The following WWC1 variants were observed in gnomAD, a reference collection of about 807,000 sequenced individuals.
The protein encoded by WWC1 is WW and C2 domain containing 1.
In WWC1, 55 loss-of-function variants were observed where a neutral mutation model predicts 138.4. The observed-to-expected ratio is 0.40, with a 90% confidence interval of 0.32 to 0.50. The LOEUF is 0.50. Ranked by LOEUF, WWC1 falls within the 20% of genes least tolerant of loss-of-function variation. The probability of loss-of-function intolerance (pLI) is 0.72; values close to 1 mark genes in which losing one functional copy is unlikely to be tolerated. For missense variants in WWC1, 1,226 were observed against 1,420.4 expected (o/e 0.86, Z 2.20); for synonymous variants, 524 against 564.9 (o/e 0.93, Z 1.03).
chr5:168,354,971 G>T lies in WWC1; in HGVS notation c.120-16453G>T, dbSNP rs530847565. Reference sequence around the variant, plus strand: ...CCCCCAAAGTTTTCCTCTTAGAGAGGAGGAGATGGCCACAAGCCTTCTGCT... The same window carrying T: ...CCCCCAAAGTTTTCCTCTTAGAGAGTAGGAGATGGCCACAAGCCTTCTGCT... On this transcript the variant is annotated intron_variant, in intron 1 of 22. Transcript: ENST00000265293. Among the ~76,000 whole-genome samples the T allele has an allele frequency of 1.2e-4, 18 of 152,306 alleles. No individual in the cohort carries two copies. The East Asian group carries it at 3.5e-3, about 29-fold the overall frequency.
chr5:168,306,813 T>A (rs974007831), intron 1 of WWC1, among the ~76,000 whole-genome samples: 8 of 152,184 alleles, frequency 5.3e-5, no homozygotes, highest in Non-Finnish European at 1.2e-4. Context: ...GCCAGGCTGG[T>A]CTGGAACTCC....
At chr5:168,444,974 G>A (rs1323801015) in intron 17 of WWC1, among the ~76,000 whole-genome samples, 2 of 152,060 alleles carry the variant, frequency 1.3e-5, no homozygotes, top group Non-Finnish European at 2.9e-5. Flanking sequence ...GGAATGGAGA[G>A]CAGAAATATT....
chr5:168,393,888 T>C (rs1778691633), intron 3 of WWC1, among the ~76,000 whole-genome samples: 1 of 152,170 alleles, frequency 6.6e-6, no homozygotes, highest in African/African-American at 2.4e-5. Context: ...TAGTGGTAAG[T>C]TTGTAGAAAC....
chr5:168,328,325 C>G (rs1445345125), intron 1 of WWC1, among the ~76,000 whole-genome samples: 1 of 152,174 alleles, frequency 6.6e-6, no homozygotes, highest in Non-Finnish European at 1.5e-5. Context: ...TCCTGGTGCA[C>G]CCTTTCTTCA....
At chr5:168,365,704 G>C (rs550061183) in intron 1 of WWC1, among the ~76,000 whole-genome samples, 72 of 152,316 alleles carry the variant, frequency 4.7e-4, no homozygotes, top group Middle Eastern at 6.8e-3. Flanking sequence ...GCTGTTTGTA[G>C]GGTGCTCCTG....
At chr5:168,363,637 T>G (rs756966414) in intron 1 of WWC1, among the ~76,000 whole-genome samples, 17 of 152,074 alleles carry the variant, frequency 1.1e-4, no homozygotes, top group Non-Finnish European at 2.1e-4. Flanking sequence ...GACAATTATT[T>G]TGCTTCAGTT....
intron 1 of WWC1, among the ~76,000 whole-genome samples, chr5:168,363,947 G>A (rs953994937): frequency 3.9e-5 from 6 of 152,128 alleles, no homozygotes; most frequent in African/African-American, 1.4e-4. Context: ...GGTGATGGTG[G>A]TGATGATAGC....
intron 1 of WWC1, among the ~76,000 whole-genome samples, chr5:168,319,035 C>T (rs1053121529): frequency 2.0e-5 from 3 of 152,210 alleles, no homozygotes; most frequent in Non-Finnish European, 2.9e-5. Flanking sequence ...ATATACACGA[C>T]GTCTTGTTAA....
intron 1 of WWC1, among the ~76,000 whole-genome samples, chr5:168,298,554 A>G (rs1301506638): frequency 6.6e-6 from 1 of 152,318 alleles, no homozygotes; most frequent in South Asian, 2.1e-4. Context: ...GCCTGGGAAC[A>G]TCCTATGTCA....
intron 1 of WWC1, among the ~76,000 whole-genome samples, chr5:168,304,801 T>A (rs1055766547): frequency 1.3e-5 from 2 of 152,048 alleles, no homozygotes; most frequent in Admixed American, 1.3e-4. Context: ...ACACAGCCAG[T>A]TGAAATGGTC....
At chr5:168,434,525 G>T (rs768055462) in intron 15 of WWC1, among the ~76,000 whole-genome samples, 1 of 152,128 alleles carries the variant, frequency 6.6e-6, no homozygotes, top group African/African-American at 2.4e-5. Context: ...TTTAATCTTC[G>T]TGATGGCCCC....
At chr5:168,449,073 T>C (rs946130299) in intron 17 of WWC1, among the ~76,000 whole-genome samples, 12 of 152,214 alleles carry the variant, frequency 7.9e-5, no homozygotes, top group Non-Finnish European at 1.5e-4. Flanking sequence ...GCCTTCAGAA[T>C]GTAAATTGGC....
chr5:168,301,362 G>C (rs1386495615), intron 1 of WWC1, among the ~76,000 whole-genome samples: 1 of 152,212 alleles, frequency 6.6e-6, no homozygotes, highest in East Asian at 1.9e-4. Flanking sequence ...GGGACTGGGT[G>C]CAGTGGCTGA....
chr5:168,392,626 A>T (rs1349011585), intron 3 of WWC1, among the ~76,000 whole-genome samples: 1 of 152,148 alleles, frequency 6.6e-6, no homozygotes, highest in Non-Finnish European at 1.5e-5. Context: ...CCAGGAGTTC[A>T]AGGTTACAGT....
chr5:168,329,408 A>T (rs1331219825), intron 1 of WWC1, among the ~76,000 whole-genome samples: 1 of 152,204 alleles, frequency 6.6e-6, no homozygotes, highest in Non-Finnish European at 1.5e-5. Flanking sequence ...CGTGAGGCAG[A>T]ACTTCAAAGG....
At chr5:168,367,393 G>A (rs1034158775) in intron 1 of WWC1, among the ~76,000 whole-genome samples, 4 of 151,828 alleles carry the variant, frequency 2.6e-5, no homozygotes, top group Non-Finnish European at 5.9e-5. Flanking sequence ...GTGCAGTGGC[G>A]GGATCTCGGC....
chr5:168,461,433 G>A (rs74954658), intron 20 of WWC1, among the ~76,000 whole-genome samples: 1,961 of 152,310 alleles, frequency 0.013, 45 homozygotes, highest in African/African-American at 0.043. Context: ...TGTGTCTGTC[G>A]TCCAGGTTCT....
intron 3 of WWC1, among the ~76,000 whole-genome samples, chr5:168,395,484 A>G (rs1348879619): frequency 5.9e-5 from 9 of 152,216 alleles, no homozygotes; most frequent in African/African-American, 9.7e-5. Flanking sequence ...TCCTCAAATA[A>G]CATCATTTTG....
intron 1 of WWC1, among the ~76,000 whole-genome samples, chr5:168,326,057 G>A (rs1772507052): frequency 6.6e-6 from 1 of 151,952 alleles, no homozygotes; most frequent in South Asian, 2.1e-4. Context: ...CTGTTCCTCT[G>A]TCGGTGGACA....
Sources: allele counts gnomAD v4.1 joint callset (sites outside exome capture counted in the v4.1 genomes callset), GRCh38; gene constraint gnomAD v4.1.1; transcripts MANE v1.5; gene names NCBI Gene and HGNC (gene_info 2026-07-23, HGNC 2026-07-21).